NSMAF: variants seen among roughly 807,000 people sequenced by gnomAD.
The protein encoded by NSMAF is neutral sphingomyelinase activation associated factor.
Under a neutral mutation model 134.9 loss-of-function variants are expected in NSMAF, and 90 were observed. The ratio of observed to expected loss-of-function variants is 0.67; its 90% CI spans 0.56 to 0.79. The LOEUF (loss-of-function observed/expected upper bound fraction) is 0.79. Ranked by LOEUF, NSMAF falls within the 30% of genes least tolerant of loss-of-function variation. The probability of loss-of-function intolerance (pLI) is 0.00; values close to 1 mark genes in which losing one functional copy is unlikely to be tolerated. For missense variants in NSMAF, 1,010 were observed against 1,119.0 expected (o/e 0.90, Z 1.39); for synonymous variants, 358 against 389.6 (o/e 0.92, Z 0.96).
At position 58,584,050 on chromosome 8, in the gene NSMAF, G is replaced by T; in HGVS notation, c.*56C>A. ...CATTCACCAGTCCGTTTAAAAGTTT[G>T]GTTTAAAAATGCATTAAATAGAGTT... On this transcript the variant is annotated 3_prime_UTR_variant, in exon 31 of 31. Transcript: ENST00000038176. 1.5e-6 allele frequency: 2 copies of T among 1,292,772 alleles called. No individual in the cohort carries two copies. Among genetic ancestry groups the T allele is most frequent in the Non-Finnish European group, 2.3e-6 (2 of 888,366 alleles). 80.1% of individuals were successfully genotyped at this position (1,292,772 alleles called of 1,614,324 possible).
intron 23 of NSMAF, among the ~76,000 whole-genome samples, chr8:58,593,669 G>A (rs758144468): frequency 1.3e-5 from 2 of 152,178 alleles, no homozygotes; most frequent in East Asian, 1.9e-4. Context: ...GAACAATGGT[G>A]TATATAGTAA....
At chr8:58,637,528 C>A in intron 2 of NSMAF, 1 of 334,820 alleles carries the variant, frequency 3.0e-6, no homozygotes. Context: ...AAAGAACAGG[C>A]ATCCAAATTG....
chr8:58,585,827 T>C (rs1336908188), intron 29 of NSMAF, 66 bp from the exon 30 acceptor site: 3 of 1,580,614 alleles, frequency 1.9e-6, no homozygotes, highest in South Asian at 1.1e-5. Flanking sequence ...AACTGGCCAA[T>C]GTAAGCCCAA....
At chr8:58,609,484 G>T (rs1486102867) in intron 10 of NSMAF, 120 bp downstream of exon 10, 2 of 900,900 alleles carry the variant, frequency 2.2e-6, no homozygotes, top group Admixed American at 4.3e-5. Context: ...CCTGTGAAGG[G>T]GGTGGGCAGG....
intron 27 of NSMAF, among the ~76,000 whole-genome samples, 182 bp from the exon 28 acceptor site, chr8:58,586,790 GAAATT>G (rs1019735974): frequency 5.2e-4 from 79 of 152,300 alleles, no homozygotes; most frequent in African/African-American, 1.8e-3. Context: ...TTTTAAAAAT[GAAATT>G]AAATTCTTTA....
intron 6 of NSMAF, among the ~76,000 whole-genome samples, chr8:58,625,747 T>A (rs1454626838): frequency 6.6e-6 from 1 of 152,204 alleles, no homozygotes; most frequent in Non-Finnish European, 1.5e-5. Flanking sequence ...AGGCACTCCA[T>A]ATTTTTTGAT....
chr8:58,594,566 G>T, intron 22 of NSMAF: 1 of 423,832 alleles, frequency 2.4e-6, no homozygotes, highest in Non-Finnish European at 4.2e-6. Context: ...TCTGGCAATT[G>T]GAAAACTCTT....
chr8:58,653,141 T>C (rs926899722), intron 1 of NSMAF, among the ~76,000 whole-genome samples: 2 of 152,214 alleles, frequency 1.3e-5, no homozygotes, highest in Non-Finnish European at 2.9e-5. Context: ...AGAGTAAAGA[T>C]AATGATTAGC....
At chr8:58,618,306 T>A (rs943953846) in intron 9 of NSMAF, among the ~76,000 whole-genome samples, 42 of 152,292 alleles carry the variant, frequency 2.8e-4, no homozygotes, top group African/African-American at 9.9e-4. Context: ...ACTTAAAGTA[T>A]AATTTTTTTA....
chr8:58,592,653 C>T (rs1013762976), intron 23 of NSMAF, among the ~76,000 whole-genome samples: 1 of 152,154 alleles, frequency 6.6e-6, no homozygotes, highest in African/African-American at 2.4e-5. Context: ...GTTGGGAGGC[C>T]GAGGCAGGTG....
chr8:58,602,725 A>C (rs1211055459), intron 13 of NSMAF, among the ~76,000 whole-genome samples: 5 of 152,192 alleles, frequency 3.3e-5, no homozygotes, highest in Non-Finnish European at 1.5e-5. Context: ...CTGTGGTAGC[A>C]AGAGAAGAGT....
chr8:58,595,031 T>A (rs1271184643), intron 22 of NSMAF, among the ~76,000 whole-genome samples: 1 of 152,168 alleles, frequency 6.6e-6, no homozygotes, highest in Non-Finnish European at 1.5e-5. Context: ...CCAGAGAACA[T>A]GAAGGTCTTA....
At position 58,589,403 on chromosome 8, in the gene NSMAF, T is replaced by C. The variant is rs201621638; in HGVS notation, c.2211+49A>G. On this transcript the variant is annotated intron_variant, in intron 26 of 30. Transcript: ENST00000038176. ...CATTTTAAGCTAAAAATTATACATATGCCATATAGCACACCAAGTTAAAAA... is the reference window on the plus strand; with the variant it reads ...CATTTTAAGCTAAAAATTATACATACGCCATATAGCACACCAAGTTAAAAA... The C allele has an allele frequency of 8.3e-5, 113 of 1,363,000 alleles. No individual in the cohort carries two copies. The East Asian group carries it at 1.1e-3, about 14-fold the overall frequency. 84.4% of individuals were successfully genotyped at this position (1,363,000 alleles called of 1,614,324 possible).
rs1370413344 is a variant in NSMAF, at chr8:58,590,755, T to C, written c.2019+112A>G. On this transcript the variant is annotated intron_variant, in intron 24 of 30. Transcript: ENST00000038176. ...TAACTAAGGTATCTGGTAGATTTAC[T>C]ACACAGGAATAAACTCAATTGTTTT... 4.3e-6 allele frequency: 5 copies of C among 1,152,226 alleles called. No individual in the cohort carries two copies. In the African/African-American group the frequency reaches 6.4e-5, roughly 15 times the overall value. The allele number at this position is 1,152,226 out of a possible 1,614,324, so 71.4% of individuals were successfully genotyped here. A position where few individuals can be genotyped will look rare whatever the true frequency, so the allele number is the denominator to read the frequency against.
chr8:58,627,222 C>T (rs554539418), intron 6 of NSMAF, among the ~76,000 whole-genome samples: 9 of 152,224 alleles, frequency 5.9e-5, no homozygotes, highest in South Asian at 4.1e-4. Context: ...AATTAGGTCC[C>T]GTTTATTTAT....
At chr8:58,624,393 A>C (rs932264805) in intron 6 of NSMAF, among the ~76,000 whole-genome samples, 21 of 151,974 alleles carry the variant, frequency 1.4e-4, no homozygotes, top group African/African-American at 4.8e-4. Flanking sequence ...TTTAACGTAG[A>C]CATTTAATTC....
intron 1 of NSMAF, among the ~76,000 whole-genome samples, chr8:58,651,944 G>T (rs984053225): frequency 6.6e-6 from 1 of 152,140 alleles, no homozygotes; most frequent in Non-Finnish European, 1.5e-5. Flanking sequence ...CATAAAACAG[G>T]CTTCATTCAT....
intron 24 of NSMAF, 110 bp from the exon 25 acceptor site, chr8:58,590,184 G>T: frequency 1.1e-6 from 1 of 887,034 alleles, no homozygotes; most frequent in Non-Finnish European, 1.8e-6. Flanking sequence ...TCGTCTTTAT[G>T]TGGCTCTCCT....
chr8:58,607,945 C>T (rs1806446003), intron 10 of NSMAF, 105 bp from the exon 11 acceptor site: 1 of 923,744 alleles, frequency 1.1e-6, no homozygotes, highest in South Asian at 1.4e-5. Flanking sequence ...TCTTGCTTTC[C>T]TAATAAACCA....
Sources: gnomAD v4.1 joint callset for allele counts (sites outside exome capture counted in the v4.1 genomes callset) on GRCh38, gnomAD v4.1.1 for gene constraint, MANE v1.5 for transcripts, NCBI Gene and HGNC (gene_info 2026-07-23, HGNC 2026-07-21) for gene names.